TBXT: variants seen among roughly 807,000 people sequenced by gnomAD.
TBXT encodes T-box transcription factor T.
Under a neutral mutation model 41.1 loss-of-function variants are expected in TBXT, and 19 were observed. That is an observed-to-expected ratio of 0.46 (90% CI 0.32 to 0.68). The LOEUF (loss-of-function observed/expected upper bound fraction) is 0.68. Ranked by LOEUF, TBXT falls within the 30% of genes least tolerant of loss-of-function variation. The probability of loss-of-function intolerance (pLI) is 0.03; values close to 1 mark genes in which losing one functional copy is unlikely to be tolerated. For synonymous variants in TBXT, 213 were observed against 238.9 expected, an observed-to-expected ratio of 0.89 and a Z score of 1.00; for missense variants, 536 against 582.0, an observed-to-expected ratio of 0.92 and a Z score of 0.81.
In TBXT at chr6:166,161,112, G is replaced by C. The variant is rs910798000; in HGVS notation, c.908-146C>G. On this transcript the variant is annotated intron_variant, in intron 6 of 7. Transcript: ENST00000366876. Reference sequence around the variant, plus strand: ...ATTAACTGTAGAAAACAATCCATTAGTCTATTTACATGGTTATCAGGGGCA... The same window carrying C: ...ATTAACTGTAGAAAACAATCCATTACTCTATTTACATGGTTATCAGGGGCA... 5.7e-5 allele frequency: 65 copies of C among 1,131,018 alleles called. No individual in the cohort carries two copies. The East Asian group carries it at 1.7e-3, about 29-fold the overall frequency. The allele number at this position is 1,131,018 out of a possible 1,614,324, so 70.1% of individuals were successfully genotyped here. A position where few individuals can be genotyped will look rare whatever the true frequency, so the allele number is the denominator to read the frequency against.
Position 166,160,971 on chromosome 6 carries a change from G to A in TBXT, c.908-5C>T, listed in dbSNP as rs778439991. ...CAGGTGAGTTGTCAGAATAGGCTAA[G>A]GGGGGAAGGTAACAAAGTGCAATTA... is the stretch of plus-strand genomic sequence containing the variant. On this transcript the variant is annotated splice_region_variant and splice_polypyrimidine_tract_variant and intron_variant, in intron 6 of 7. Transcript: ENST00000366876. The A allele has an allele frequency of 5.0e-6, 8 of 1,613,540 alleles. No individual in the cohort carries two copies. In the East Asian group the frequency reaches 8.9e-5, roughly 18 times the overall value.
Position 166,158,117 on chromosome 6 carries a change from T to C in TBXT, c.*198A>G. 1 of 795,480 alleles carries C rather than the reference T, an allele frequency of 1.3e-6. No homozygotes were observed. The highest frequency in any genetic ancestry group is 2.0e-6 in the Non-Finnish European group (1 of 488,644). The allele number at this position is 795,480 out of a possible 1,614,324, so 49.3% of individuals were successfully genotyped here. A position where few individuals can be genotyped will look rare whatever the true frequency, so the allele number is the denominator to read the frequency against. On this transcript the variant is annotated 3_prime_UTR_variant, in exon 8 of 8. Coordinates refer to ENST00000366876, the MANE Select transcript of TBXT (RefSeq NM_001366285.2). Reference sequence around the variant, plus strand: ...AAGCCACCTGGGACAGCACCGCTACTGCAGGTGTGAGCAAGGGATGCTGGG... The same window carrying C: ...AAGCCACCTGGGACAGCACCGCTACCGCAGGTGTGAGCAAGGGATGCTGGG...
intron 3 of TBXT, among the ~76,000 whole-genome samples, chr6:166,165,292 C>T (rs1214207036): frequency 6.6e-6 from 1 of 152,040 alleles, no homozygotes; most frequent in Non-Finnish European, 1.5e-5. Flanking sequence ...TATGCAGTAG[C>T]TTGTATCTAG....
intron 2 of TBXT, 47 bp downstream of exon 2, chr6:166,166,545 G>A: frequency 6.2e-7 from 1 of 1,612,218 alleles, no homozygotes; most frequent in South Asian, 1.1e-5. Context: ...GGCGCAGCGC[G>A]GCCCCCTCCT....
chr6:166,165,919 A>G, intron 2 of TBXT, 79 bp from the exon 3 acceptor site: 1 of 1,600,974 alleles, frequency 6.2e-7, no homozygotes, highest in East Asian at 2.2e-5. Flanking sequence ...TCCAGGATGC[A>G]GAAAGTCCTC....
In TBXT at chr6:166,158,681, A is replaced by G. The variant is rs1291390650; in HGVS notation, c.1038-93T>C. The G allele has an allele frequency of 5.1e-6, 7 of 1,364,758 alleles. No individual in the cohort carries two copies. In the African/African-American group the frequency reaches 8.8e-5, roughly 17 times the overall value. 84.5% of individuals were successfully genotyped at this position (1,364,758 alleles called of 1,614,324 possible). A position where few individuals can be genotyped will look rare whatever the true frequency, so the allele number is the denominator to read the frequency against. ...CACACCAGAAATCCCATTCGGAGTG[A>G]CTGTGTAATATGACAGTTTTCTTCT... On this transcript the variant is annotated intron_variant, in intron 7 of 7. Transcript: ENST00000366876.
chr6:166,160,808 C>G lies in TBXT; in HGVS notation c.1037+29G>C, dbSNP rs548211322. The G allele has an allele frequency of 1.9e-6, 3 of 1,613,528 alleles. No individual in the cohort carries two copies. The South Asian group carries it at 3.3e-5, about 18-fold the overall frequency. On this transcript the variant is annotated intron_variant, in intron 7 of 7. Coordinates refer to ENST00000366876, the MANE Select transcript of TBXT (RefSeq NM_001366285.2). ...AGTCACAGGCAGAGCTCCCAGGATG[C>G]TTTGCACCAGGTCCTGGACATACAT...
chr6:166,165,912 A>G (rs2128523173), intron 2 of TBXT, 72 bp from the exon 3 acceptor site: 1 of 1,605,996 alleles, frequency 6.2e-7, no homozygotes, highest in Non-Finnish European at 8.5e-7. Context: ...CCATTTCTCC[A>G]GGATGCAGAA....
chr6:166,161,579 C>G (rs1437006940), intron 6 of TBXT, among the ~76,000 whole-genome samples: 2 of 152,200 alleles, frequency 1.3e-5, no homozygotes, highest in African/African-American at 4.8e-5. Context: ...TATGGTCTAT[C>G]CCAGTGTTCC....
At chr6:166,162,772 G>T (rs1778998746) in intron 5 of TBXT, 149 bp from the exon 6 acceptor site, 1 of 551,248 alleles carries the variant, frequency 1.8e-6, no homozygotes, top group Admixed American at 3.0e-5. Context: ...AGAGAGCAGA[G>T]CCCAGGCCAG....
rs906958797 is a variant in TBXT, at chr6:166,167,795, G to T, written c.-204C>A. On this transcript the variant is annotated 5_prime_UTR_variant, in exon 1 of 8. Coordinates refer to ENST00000366876, the MANE Select transcript of TBXT (RefSeq NM_001366285.2). ...TTGGGGGGAGGGGACGGGGGCAGAG[G>T]GGTGGGGAGAAGTTATTCCACTTGA... 2 of 636,474 alleles carry T rather than the reference G, an allele frequency of 3.1e-6. No individual in the cohort carries two copies. The highest frequency in any genetic ancestry group is 2.7e-6 in the Non-Finnish European group (1 of 367,114). The allele number at this position is 636,474 out of a possible 1,614,324, so 39.4% of individuals were successfully genotyped here.
chr6:166,165,664 C>G (rs758863291), intron 3 of TBXT, 42 bp downstream of exon 3: 4 of 1,612,792 alleles, frequency 2.5e-6, no homozygotes, highest in African/African-American at 1.3e-5. Context: ...GCACACCACA[C>G]CGCAGCACAC....
At chr6:166,166,253 C>T (rs1406551530) in intron 2 of TBXT, among the ~76,000 whole-genome samples, 1 of 152,166 alleles carries the variant, frequency 6.6e-6, no homozygotes, top group Non-Finnish European at 1.5e-5. Flanking sequence ...CGACTCCACG[C>T]AGTAAGTACT....
intron 7 of TBXT, among the ~76,000 whole-genome samples, chr6:166,159,449 G>A (rs1216742177): frequency 6.6e-6 from 1 of 152,120 alleles, no homozygotes; most frequent in African/African-American, 2.4e-5. Flanking sequence ...GTGCTAGCAT[G>A]GTGCCCAGCA....
chr6:166,160,684 G>A (rs917314682), intron 7 of TBXT, among the ~76,000 whole-genome samples, 153 bp downstream of exon 7: 4 of 152,112 alleles, frequency 2.6e-5, no homozygotes, highest in Non-Finnish European at 4.4e-5. Flanking sequence ...CAATCCCTGG[G>A]CATAGCTGGC....
chr6:166,158,638 C>CTTA (rs1194553481), intron 7 of TBXT, 50 bp from the exon 8 acceptor site: 2 of 1,448,418 alleles, frequency 1.4e-6, no homozygotes, highest in African/African-American at 2.9e-5. Flanking sequence ...GGCTGCAGGC[C>CTTA]AGCTAAGGAT....
intron 6 of TBXT, 146 bp from the exon 7 acceptor site, chr6:166,161,112 G>A (rs910798000): frequency 8.8e-7 from 1 of 1,131,138 alleles, no homozygotes; most frequent in Non-Finnish European, 1.3e-6. Flanking sequence ...CAATCCATTA[G>A]TCTATTTACA....
chr6:166,164,248 C>T (rs992107717), intron 5 of TBXT, among the ~76,000 whole-genome samples: 1 of 152,186 alleles, frequency 6.6e-6, no homozygotes, highest in Non-Finnish European at 1.5e-5. Context: ...GGCTCTTCAA[C>T]CATTAATGAA....
chr6:166,162,622 T>C lies in TBXT; in HGVS notation c.732A>G (p.Ser244=). The change falls in exon 6 of 8, where the codon TCA becomes TCG. Residue 244 remains serine, a splice_region_variant and synonymous_variant. Coordinates refer to ENST00000366876, the MANE Select transcript of TBXT (RefSeq NM_001366285.2). ...TGGTTCCAGGAAGAAGCCACCCCCC[T>C]GCTGTGAGAAAAGACAGTGCTGAGT... ...GDSQQPGYSQ[S]GGWLLPGTST... The C allele has an allele frequency of 6.2e-7, 1 of 1,610,560 alleles. No homozygotes were observed. The highest frequency in any genetic ancestry group is 1.1e-5 in the South Asian group (1 of 90,508).
Sources: gnomAD v4.1 joint callset for allele counts (sites outside exome capture counted in the v4.1 genomes callset) on GRCh38, gnomAD v4.1.1 for gene constraint, MANE v1.5 for transcripts, NCBI Gene and HGNC (gene_info 2026-07-23, HGNC 2026-07-21) for gene names.